Variants in EGF observed in about 807,000 individuals in gnomAD.
The protein encoded by EGF is pro-epidermal growth factor.
In EGF, 95 loss-of-function variants were observed where a neutral mutation model predicts 143.8. That is an observed-to-expected ratio of 0.66 (90% CI 0.56 to 0.78). The LOEUF (loss-of-function observed/expected upper bound fraction) is 0.78, where lower values mean the gene tolerates loss of function less well. Ranked by LOEUF, EGF falls within the 30% of genes least tolerant of loss-of-function variation. The probability of loss-of-function intolerance (pLI) is 0.00; values close to 1 mark genes in which losing one functional copy is unlikely to be tolerated. For missense variants in EGF, 1,320 were observed against 1,470.9 expected, an observed-to-expected ratio of 0.90 and a Z score of 1.68; for synonymous variants, 510 against 510.5, an observed-to-expected ratio of 1.00 and a Z score of 0.01.
At chr4:109,915,775 C>G (rs1446701266) in intron 1 of EGF, among the ~76,000 whole-genome samples, 1 of 152,220 alleles carries the variant, frequency 6.6e-6, no homozygotes, top group African/African-American at 2.4e-5. Context: ...CCTGACCCAG[C>G]AGGAAGAATG....
intron 5 of EGF, among the ~76,000 whole-genome samples, chr4:109,951,406 C>A (rs1315273352): frequency 1.3e-5 from 2 of 151,974 alleles, no homozygotes; most frequent in Non-Finnish European, 2.9e-5. Flanking sequence ...TTCTTTGGCA[C>A]TCTATCTCCT....
chr4:109,999,594 G>T, intron 20 of EGF, 85 bp from the exon 21 acceptor site: 1 of 1,552,014 alleles, frequency 6.4e-7, no homozygotes. Flanking sequence ...TGCAGAGGTT[G>T]AGAGACAGCT....
At chr4:109,992,935 A>T (rs927131358) in intron 18 of EGF, among the ~76,000 whole-genome samples, 59 of 84,004 alleles carry the variant, frequency 7.0e-4, no homozygotes, top group South Asian at 2.0e-3. Context: ...CATCACACAC[A>T]GGGGCCTGTT....
Position 109,983,720 on chromosome 4 carries a change from A to ATAT in EGF, c.2491+182_2491+184dup, listed in dbSNP as rs143154038. On this transcript the variant is annotated intron_variant, in intron 16 of 23. Coordinates refer to ENST00000265171, the MANE Select transcript of EGF (RefSeq NM_001963.6). ...TGATGTGCCTGAGAAAGATGGCTGC[A>ATAT]TATTAGTCTGGACATAAACAGGACA... is the stretch of plus-strand genomic sequence containing the variant. Among the ~76,000 whole-genome samples the ATAT allele has an allele frequency of 2.9e-3, 448 of 152,378 alleles. 2 individuals are homozygous for ATAT. The highest frequency in any genetic ancestry group is 0.01 in the African/African-American group (417 of 41,594).
chr4:109,987,787 G>C lies in EGF; in HGVS notation c.2535G>C (p.Arg845=). The C allele has an allele frequency of 3.1e-6, 5 of 1,613,964 alleles. No homozygotes were observed. Among genetic ancestry groups the C allele is most frequent in the Non-Finnish European group, 4.2e-6 (5 of 1,179,882 alleles). The stretch of plus-strand genomic sequence containing the variant: ...CTGTGGGATGCAGCATGTATGCTCG[G>C]TGTATTTCAGAGGGAGAGGATGCCA... ...CAPVGCSMYA[R]CISEGEDATC... The change falls in exon 17 of 24, where the codon CGG becomes CGC. Residue 845 remains arginine (R), a synonymous_variant. Coordinates refer to ENST00000265171, the MANE Select transcript of EGF (RefSeq NM_001963.6).
rs755888937 is a variant in EGF at position 109,963,182 on chromosome 4, C to T, written c.1322C>T (p.Ser441Leu). Residue 441 changes from serine to leucine, a missense_variant, in exon 9 of 24, where the codon TCA (serine) becomes TTA (leucine). Physicochemically the swap from Ser to Leu is moderately radical, Grantham distance 145. Around this residue, in one of 5 missense-constraint regions of EGF, gnomAD observed 1,186 missense variants for 1,313.7 expected, o/e 0.90. Coordinates refer to ENST00000265171, the MANE Select transcript of EGF (RefSeq NM_001963.6). ...RDGKTCSGCS[S>L]PDNGGCSQLC... ...GCAATTGTTTTTGTAGGTTGTTCCT[C>T]ACCCGATAATGGTGGATGTAGCCAG... 3 of 1,613,894 alleles carry T rather than the reference C, an allele frequency of 1.9e-6. No homozygotes were observed. The highest frequency in any genetic ancestry group is 2.5e-6 in the Non-Finnish European group (3 of 1,179,898).
At chr4:109,958,733 GC>G (rs904193695) in intron 5 of EGF, among the ~76,000 whole-genome samples, 2 of 151,806 alleles carry the variant, frequency 1.3e-5, no homozygotes, top group Non-Finnish European at 2.9e-5. Context: ...TTCGAGACCA[GC>G]CTGGCCAACC....
rs1045811611 is a variant in EGF at position 109,934,774 on chromosome 4, C to G, written c.128-6172C>G. On this transcript the variant is annotated intron_variant, in intron 1 of 23. Transcript: ENST00000265171. Reference sequence around the variant, plus strand: ...GGAAGGGATCCAGTTTCAGCTTTCTCCATATGTCTAGCCAGTTTTCCCAGC... The same window carrying G: ...GGAAGGGATCCAGTTTCAGCTTTCTGCATATGTCTAGCCAGTTTTCCCAGC... Among the ~76,000 whole-genome samples the G allele has an allele frequency of 3.3e-5, 5 of 152,156 alleles. No homozygotes were observed. The South Asian group carries it at 6.2e-4, about 19-fold the overall frequency.
At chr4:109,943,537 C>A in intron 3 of EGF, 102 bp downstream of exon 3, 2 of 1,333,854 alleles carry the variant, frequency 1.5e-6, no homozygotes, top group Non-Finnish European at 2.1e-6. Flanking sequence ...TCACTGAGAC[C>A]AAAGCCCTCT....
chr4:110,005,574 G>A (rs10010695), intron 22 of EGF, among the ~76,000 whole-genome samples: 40,024 of 151,902 alleles, frequency 0.26, 10,044 homozygotes, highest in African/African-American at 0.62. Flanking sequence ...GATATTTTCC[G>A]AAAAGCACAG....
chr4:109,947,934 A>T (rs1170978046), intron 5 of EGF, among the ~76,000 whole-genome samples: 2 of 152,192 alleles, frequency 1.3e-5, no homozygotes, highest in South Asian at 2.1e-4. Context: ...CCATGATCAC[A>T]TAGCTAGTTA....
intron 18 of EGF, among the ~76,000 whole-genome samples, chr4:109,990,223 C>T (rs115546422): frequency 2.0e-5 from 3 of 152,110 alleles, no homozygotes. Flanking sequence ...TACTGGAAAC[C>T]CTGAGAAATA....
rs2074389 is a variant in EGF, at chr4:109,999,568, G to A, written c.3006-111G>A. The A allele has an allele frequency of 0.018, 24,986 of 1,377,776 alleles. 2,522 individuals are homozygous for A. The East Asian group carries it at 0.24, about 13-fold the overall frequency. The allele number at this position is 1,377,776 out of a possible 1,614,324, so 85.3% of individuals were successfully genotyped here. The stretch of plus-strand genomic sequence containing the variant: ...GATGGATTTTCTATATGTTTCTAAA[G>A]AGCTGAGTCTGGAAATGCAGAGGTT... On this transcript the variant is annotated intron_variant, in intron 20 of 23. Transcript: ENST00000265171.
At chr4:109,952,913 TG>T (rs2126034890) in intron 5 of EGF, among the ~76,000 whole-genome samples, 1 of 152,374 alleles carries the variant, frequency 6.6e-6, no homozygotes, top group South Asian at 2.1e-4. Context: ...TTCACATGCC[TG>T]GCTGTGGCCT....
At chr4:109,940,882 G>T (rs145894060) in intron 1 of EGF, 64 bp from the exon 2 acceptor site, 3 of 1,471,772 alleles carry the variant, frequency 2.0e-6, no homozygotes, top group Non-Finnish European at 2.8e-6. Context: ...TCATTGGGAA[G>T]TATTTTGTTT....
chr4:109,961,126 CT>C, intron 7 of EGF, 137 bp downstream of exon 7: 4 of 989,606 alleles, frequency 4.0e-6, no homozygotes, highest in Non-Finnish European at 6.1e-6. Context: ...TTTTGTTTGG[CT>C]TTTTAAAACA....
chr4:109,916,404 C>A (rs1736661427), intron 1 of EGF, among the ~76,000 whole-genome samples: 1 of 152,108 alleles, frequency 6.6e-6, no homozygotes, highest in Non-Finnish European at 1.5e-5. Context: ...AGATTTCTTG[C>A]CTGGATTCAA....
Position 109,993,135 on chromosome 4 carries a change from A to G in EGF, c.2735-112A>G, listed in dbSNP as rs188477487. The G allele has an allele frequency of 1.8e-5, 25 of 1,357,130 alleles. No individual in the cohort carries two copies. In the East Asian group the frequency reaches 5.6e-4, roughly 30 times the overall value. The allele number at this position is 1,357,130 out of a possible 1,614,324, so 84.1% of individuals were successfully genotyped here. A position where few individuals can be genotyped will look rare whatever the true frequency, so the allele number is the denominator to read the frequency against. On this transcript the variant is annotated intron_variant, in intron 18 of 23. Transcript: ENST00000265171. ...TAAAAAAATATATAGGTCTCTGAGAACATATAGCATGACAGAAGCTGATGA... is the reference window on the plus strand; with the variant it reads ...TAAAAAAATATATAGGTCTCTGAGAGCATATAGCATGACAGAAGCTGATGA...
chr4:109,938,936 C>G (rs193067806), intron 1 of EGF, among the ~76,000 whole-genome samples: 4 of 152,072 alleles, frequency 2.6e-5, no homozygotes, highest in African/African-American at 9.7e-5. Context: ...GTCTGTTGGC[C>G]CCTACTAGGA....
Sources: gnomAD v4.1 joint callset for allele counts (sites outside exome capture counted in the v4.1 genomes callset) on GRCh38, gnomAD v4.1.1 for gene constraint, gnomAD v4.1.1 regional missense constraint, MANE v1.5 for transcripts, NCBI Gene and HGNC (gene_info 2026-07-23, HGNC 2026-07-21) for gene names.